The following PRSS35 variants were observed in gnomAD, a reference collection of about 807,000 sequenced individuals.
PRSS35 encodes inactive serine protease 35.
In PRSS35, 7 loss-of-function variants were observed where a neutral mutation model predicts 8.1. The ratio of observed to expected loss-of-function variants is 0.86; its 90% CI spans 0.49 to 1.62. The LOEUF (loss-of-function observed/expected upper bound fraction) is 1.62. PRSS35 is among the 40% of genes most tolerant of loss of function. The pLI, the probability that PRSS35 is intolerant of heterozygous loss-of-function variation, is 0.00. For missense variants in PRSS35, 566 were observed against 518.0 expected (o/e 1.09, Z -0.90); for synonymous variants, 199 against 188.7 (o/e 1.05, Z -0.45).
Position 83,523,857 on chromosome 6 carries a change from T to C in PRSS35, c.416T>C (p.Leu139Ser), listed in dbSNP as rs2127714046. ...SRFSILDKRFLTNFPFSTAVK... is the reference protein window; with the variant it reads ...SRFSILDKRFSTNFPFSTAVK... ...TTCAGCATCTTGGACAAAAGGTTCT[T>C]AACCAATTTCCCTTTCAGCACAGCT... The change falls in exon 2 of 2, where the codon TTA (leucine) becomes TCA (serine). Residue 139 changes from leucine (L) to serine (S), a missense_variant. Leu to Ser is a moderately radical substitution (Grantham distance 145). Transcript: ENST00000369700. 6.2e-7 allele frequency: 1 copy of C among 1,614,190 alleles called. No individual in the cohort carries two copies. Among genetic ancestry groups the C allele is most frequent in the Non-Finnish European group, 8.5e-7 (1 of 1,180,010 alleles).
rs1219174242 is a variant in PRSS35, at chr6:83,523,624, G to T, written c.183G>T (p.Val61=). 6.2e-7 allele frequency: 1 copy of T among 1,614,178 alleles called. No individual in the cohort carries two copies. Among genetic ancestry groups the T allele is most frequent in the South Asian group, 1.1e-5 (1 of 91,084 alleles). The part of the protein sequence containing the change: ...EADAKMMVNT[V]CGIECQKELP... The stretch of plus-strand genomic sequence containing the variant: ...ATGCTAAGATGATGGTAAATACAGT[G>T]TGTGGCATCGAATGCCAGAAAGAAC... The change falls in exon 2 of 2, where the codon GTG becomes GTT. Residue 61 remains valine, a synonymous_variant. Coordinates refer to ENST00000369700, the MANE Select transcript of PRSS35 (RefSeq NM_153362.3).
chr6:83,515,127 G>A (rs1334360416), intron 1 of PRSS35, among the ~76,000 whole-genome samples: 1 of 152,176 alleles, frequency 6.6e-6, no homozygotes, highest in Non-Finnish European at 1.5e-5. Flanking sequence ...ACCTTCCTGA[G>A]AAGCATTGAT....
chr6:83,518,634 G>A (rs1478645048), intron 1 of PRSS35, among the ~76,000 whole-genome samples: 3 of 152,182 alleles, frequency 2.0e-5, no homozygotes, highest in African/African-American at 7.2e-5. Flanking sequence ...GAATTTTAGA[G>A]TGAGTTGGAA....
At chr6:83,522,019 C>T (rs1390862414) in intron 1 of PRSS35, among the ~76,000 whole-genome samples, 1 of 151,988 alleles carries the variant, frequency 6.6e-6, no homozygotes, top group African/African-American at 2.4e-5. Context: ...TTGACTTTTC[C>T]CTTTTGTGCC....
At chr6:83,516,493 G>A (rs910044884) in intron 1 of PRSS35, among the ~76,000 whole-genome samples, 1 of 150,564 alleles carries the variant, frequency 6.6e-6, no homozygotes, top group Non-Finnish European at 1.5e-5. Flanking sequence ...GAAGAATGGC[G>A]TGAACCTGGG....
chr6:83,519,364 A>T (rs996668849), intron 1 of PRSS35, among the ~76,000 whole-genome samples: 3 of 152,210 alleles, frequency 2.0e-5, no homozygotes, highest in African/African-American at 7.2e-5. Context: ...CCCAAATGCA[A>T]GCCATCTGGA....
At position 83,524,379 on chromosome 6, in the gene PRSS35, A is replaced by G; in HGVS notation, c.938A>G (p.Asp313Gly). Residue 313 changes from aspartate (D) to glycine (G), a missense_variant, in exon 2 of 2, where the codon GAT becomes GGT. Coordinates refer to ENST00000369700, the MANE Select transcript of PRSS35 (RefSeq NM_153362.3). ...PGGMIHFSGF[D>G]NDRADQLVYR... ...GGAATGATCCACTTCTCAGGATTTG[A>G]TAACGATAGGGCTGATCAGTTGGTC... The G allele has an allele frequency of 6.2e-7, 1 of 1,614,194 alleles. No homozygotes were observed. The highest frequency in any genetic ancestry group is 8.5e-7 in the Non-Finnish European group (1 of 1,180,030).
Position 83,524,444 on chromosome 6 carries a change from C to T in PRSS35, c.1003C>T (p.Leu335Phe), listed in dbSNP as rs371415358. The change falls in exon 2 of 2, where the codon CTT becomes TTT. Residue 335 changes from leucine (L) to phenylalanine (F), a missense_variant. By Grantham distance (22) the Leu-to-Phe change is conservative (BLOSUM62 0). Transcript: ENST00000369700. The part of the protein sequence containing the change: ...CSVSDESNDL[L>F]YQYCDAESGS... ...TGTGTCCGACGAATCCAATGATCTC[C>T]TTTACCAATACTGCGATGCTGAGTC... 1 of 1,614,038 alleles carries T rather than the reference C, an allele frequency of 6.2e-7. No homozygotes were observed. Among genetic ancestry groups the T allele is most frequent in the African/African-American group, 1.3e-5 (1 of 74,906 alleles).
chr6:83,523,984 T>C lies in PRSS35; in HGVS notation c.543T>C (p.Ser181=), dbSNP rs747638644. ...VHDGKDYVKG[S]KKLRVGLLKM... ...ATGGAAAGGACTATGTCAAAGGGAG[T>C]AAAAAGCTAAGGGTAGGGTTGTTGA... Residue 181 remains serine (S), a synonymous_variant, in exon 2 of 2, where the codon AGT becomes AGC. Coordinates refer to ENST00000369700, the MANE Select transcript of PRSS35 (RefSeq NM_153362.3). 1.6e-5 allele frequency: 26 copies of C among 1,613,372 alleles called. No individual in the cohort carries two copies. The highest frequency in any genetic ancestry group is 2.2e-5 in the Non-Finnish European group (26 of 1,179,926).
chr6:83,524,664 C>T lies in PRSS35; in HGVS notation c.1223C>T (p.Ala408Val), dbSNP rs761909723. Residue 408 changes from alanine to valine, a missense_variant, in exon 2 of 2, where the codon GCC becomes GTC. Transcript: ENST00000369700. The part of the protein sequence containing the change: ...QICLWIHGND[A>V]NCAYG ...TGCCTCTGGATTCACGGGAACGATG[C>T]CAATTGTGCTTACGGCTAACAGAGA... 1.2e-6 allele frequency: 2 copies of T among 1,609,260 alleles called. No homozygotes were observed. The highest frequency in any genetic ancestry group is 1.7e-6 in the Non-Finnish European group (2 of 1,177,938).
At chr6:83,517,076 T>G (rs1771737508) in intron 1 of PRSS35, among the ~76,000 whole-genome samples, 1 of 152,218 alleles carries the variant, frequency 6.6e-6, no homozygotes, top group Non-Finnish European at 1.5e-5. Flanking sequence ...AAACATTGGC[T>G]TTAATCTTTG....
intron 1 of PRSS35, among the ~76,000 whole-genome samples, chr6:83,518,210 T>C (rs892634792): frequency 2.6e-5 from 4 of 152,192 alleles, no homozygotes; most frequent in African/African-American, 9.6e-5. Context: ...ACTATAAACT[T>C]CTAGGGTAAA....
intron 1 of PRSS35, among the ~76,000 whole-genome samples, chr6:83,516,821 C>T (rs760782982): frequency 6.6e-6 from 1 of 152,128 alleles, no homozygotes; most frequent in Admixed American, 6.5e-5. Flanking sequence ...ACTCTTAACC[C>T]GTCTGCCTCC....
Position 83,524,581 on chromosome 6 carries a change from G to T in PRSS35, c.1140G>T (p.Gly380=), listed in dbSNP as rs1441287717. The T allele has an allele frequency of 1.9e-6, 3 of 1,614,128 alleles. No individual in the cohort carries two copies. The Admixed American group carries it at 5.0e-5, about 27-fold the overall frequency. The part of the protein sequence containing the change: ...YSGHQWVDVH[G]VQKDYNVAVR... ...GGCACCAGTGGGTGGATGTCCACGG[G>T]GTTCAGAAGGACTACAACGTTGCTG... Residue 380 remains glycine (G), a synonymous_variant, in exon 2 of 2, where the codon GGG becomes GGT. Coordinates refer to ENST00000369700, the MANE Select transcript of PRSS35 (RefSeq NM_153362.3).
intron 1 of PRSS35, among the ~76,000 whole-genome samples, chr6:83,515,906 C>T (rs1438658162): frequency 6.6e-6 from 1 of 152,246 alleles, no homozygotes; most frequent in East Asian, 1.9e-4. Flanking sequence ...ACCTCTGCCT[C>T]CCGGTTCAGG....
chr6:83,520,537 C>G (rs888056408), intron 1 of PRSS35, among the ~76,000 whole-genome samples: 1 of 152,144 alleles, frequency 6.6e-6, no homozygotes, highest in Non-Finnish European at 1.5e-5. Context: ...GATATGGGCT[C>G]TCAACCACCG....
intron 1 of PRSS35, 89 bp from the exon 2 acceptor site, chr6:83,523,333 G>A (rs757295566): frequency 2.1e-6 from 2 of 960,724 alleles, no homozygotes; most frequent in South Asian, 1.7e-5. Context: ...TGTGGTGAAG[G>A]TACATTTAGG....
chr6:83,523,324 G>T (rs1771856505), intron 1 of PRSS35, 98 bp from the exon 2 acceptor site: 1 of 872,882 alleles, frequency 1.1e-6, no homozygotes. Flanking sequence ...ACACCTCTTT[G>T]TGGTGAAGGT....
At chr6:83,514,719 G>T (rs916087372) in intron 1 of PRSS35, among the ~76,000 whole-genome samples, 8 of 152,132 alleles carry the variant, frequency 5.3e-5, no homozygotes, top group African/African-American at 1.7e-4. Flanking sequence ...GCACATTTGG[G>T]GGACTAGTTA....
Sources: allele counts gnomAD v4.1 joint callset (sites outside exome capture counted in the v4.1 genomes callset), GRCh38; gene constraint gnomAD v4.1.1; transcripts MANE v1.5; gene names NCBI Gene and HGNC (gene_info 2026-07-23, HGNC 2026-07-21).